SNRPF: variants seen among roughly 807,000 people sequenced by gnomAD.
SNRPF encodes small nuclear ribonucleoprotein polypeptide F.
SNRPF carries 1 observed loss-of-function variant against 13.4 expected under a neutral mutation model. The ratio of observed to expected loss-of-function variants is 0.07; its 90% confidence interval spans 0.03 to 0.35. The LOEUF (loss-of-function observed/expected upper bound fraction) is 0.35, where lower values mean the gene tolerates loss of function less well. SNRPF is among the 10% of genes least tolerant of loss of function. The probability of loss-of-function intolerance (pLI) is 0.99; values close to 1 mark genes in which losing one functional copy is unlikely to be tolerated. For synonymous variants in SNRPF, 27 were observed against 32.1 expected, an observed-to-expected ratio of 0.84 and a Z score of 0.54; for missense variants, 53 against 101.0, an observed-to-expected ratio of 0.52 and a Z score of 2.04.
At chr12:95,859,761 G>T (rs1314384625) in intron 1 of SNRPF, among the ~76,000 whole-genome samples, 1 of 152,212 alleles carries the variant, frequency 6.6e-6, no homozygotes, top group Non-Finnish European at 1.5e-5. Flanking sequence ...TTAAGAGATG[G>T]TATCGGAGGA....
chr12:95,861,787 G>T, intron 2 of SNRPF: 2 of 153,244 alleles, frequency 1.3e-5, no homozygotes, highest in South Asian at 2.0e-4. Flanking sequence ...TGTTTTGGTG[G>T]GTTTTTTTGT....
At chr12:95,859,717 G>A (rs999124281) in intron 1 of SNRPF, among the ~76,000 whole-genome samples, 16 of 152,174 alleles carry the variant, frequency 1.1e-4, no homozygotes, top group African/African-American at 3.9e-4. Flanking sequence ...TGGAGAAATT[G>A]ACAGAAAGGT....
chr12:95,861,494 G>C (rs1169407964), intron 2 of SNRPF: 1 of 364,334 alleles, frequency 2.7e-6, no homozygotes, highest in Admixed American at 4.9e-5. Flanking sequence ...TTCAGCTACA[G>C]ATTTTATTCC....
At position 95,865,263 on chromosome 12, in the gene SNRPF, A is replaced by G. The variant is rs367847491; in HGVS notation, c.130-61A>G. ...GTTAATGAGTTCTCTCACCAATATTAGCTGTATTGTAATATTTTCCTCCTG... is the reference window on the plus strand; with the variant it reads ...GTTAATGAGTTCTCTCACCAATATTGGCTGTATTGTAATATTTTCCTCCTG... On this transcript the variant is annotated intron_variant, in intron 2 of 3. Coordinates refer to ENST00000266735, the MANE Select transcript of SNRPF (RefSeq NM_003095.5). 11 of 789,218 alleles carry G rather than the reference A, an allele frequency of 1.4e-5. No individual in the cohort carries two copies. In the African/African-American group the frequency reaches 1.9e-4, roughly 13 times the overall value. The allele number at this position is 789,218 out of a possible 1,614,324, so 48.9% of individuals were successfully genotyped here.
At chr12:95,860,769 T>A (rs974578473) in intron 1 of SNRPF, among the ~76,000 whole-genome samples, 1 of 151,758 alleles carries the variant, frequency 6.6e-6, no homozygotes, top group African/African-American at 2.4e-5. Context: ...GGGCTGGTCT[T>A]GAACTCGTGA....
chr12:95,863,569 G>A (rs958089060), intron 2 of SNRPF, among the ~76,000 whole-genome samples: 2 of 152,186 alleles, frequency 1.3e-5, no homozygotes, highest in African/African-American at 4.8e-5. Flanking sequence ...TCCATTATGT[G>A]CCTGGCACTG....
At chr12:95,862,291 C>T (rs2079499815) in intron 2 of SNRPF, among the ~76,000 whole-genome samples, 1 of 152,180 alleles carries the variant, frequency 6.6e-6, no homozygotes, top group Admixed American at 6.5e-5. Flanking sequence ...TTGCTTCCCT[C>T]TTTGGACTGT....
intron 2 of SNRPF, among the ~76,000 whole-genome samples, chr12:95,863,756 G>T (rs2079507962): frequency 6.6e-6 from 1 of 152,206 alleles, no homozygotes; most frequent in Non-Finnish European, 1.5e-5. Flanking sequence ...AATTCTGGAA[G>T]ATACCAGAAT....
At position 95,863,427 on chromosome 12, in the gene SNRPF, GT is replaced by G. The variant is rs780818318; in HGVS notation, c.130-1893del. Among the ~76,000 whole-genome samples the G allele has an allele frequency of 5.9e-5, 9 of 152,312 alleles. No homozygotes were observed. The South Asian group carries it at 8.3e-4, about 14-fold the overall frequency. On this transcript the variant is annotated intron_variant, in intron 2 of 3. Coordinates refer to ENST00000266735, the MANE Select transcript of SNRPF (RefSeq NM_003095.5). ...ATAAAAGAATTACCACTTAATATTTGTTTTAGAATTAATATAGCTTGCTAGT... is the reference window on the plus strand; with the variant it reads ...ATAAAAGAATTACCACTTAATATTTGTTTAGAATTAATATAGCTTGCTAGT...
rs546024406 is a variant in SNRPF at position 95,865,135 on chromosome 12, T to C, written c.130-189T>C. The C allele has an allele frequency of 1.6e-5, 6 of 386,930 alleles. No homozygotes were observed. In the East Asian group the frequency reaches 2.3e-4, roughly 15 times the overall value. 24.0% of individuals were successfully genotyped at this position (386,930 alleles called of 1,614,324 possible). On this transcript the variant is annotated intron_variant, in intron 2 of 3. Coordinates refer to ENST00000266735, the MANE Select transcript of SNRPF (RefSeq NM_003095.5). Reference sequence around the variant, plus strand: ...AACAAGCTTTGAATATTAATTTCGTTGAAGGTTTATATGAAACCAAAAGTA... The same window carrying C: ...AACAAGCTTTGAATATTAATTTCGTCGAAGGTTTATATGAAACCAAAAGTA...
At chr12:95,860,716 CCTGA>C (rs764566791) in intron 1 of SNRPF, among the ~76,000 whole-genome samples, 2 of 152,034 alleles carry the variant, frequency 1.3e-5, no homozygotes, top group East Asian at 1.9e-4. Flanking sequence ...CACCACCACA[CCTGA>C]CTATTTTTGG....
chr12:95,860,921 GGTA>G (rs2079492920), intron 1 of SNRPF, among the ~76,000 whole-genome samples: 1 of 143,864 alleles, frequency 7.0e-6, no homozygotes, highest in African/African-American at 2.6e-5. Context: ...GAGTGATGTA[GGTA>G]GTCAGTGTAT....
chr12:95,862,439 C>T (rs1381023533), intron 2 of SNRPF, among the ~76,000 whole-genome samples: 2 of 152,108 alleles, frequency 1.3e-5, no homozygotes, highest in Non-Finnish European at 2.9e-5. Flanking sequence ...GGAGGCCAAG[C>T]GTGGTGGCTC....
At chr12:95,861,642 CT>C (rs1439414996) in intron 2 of SNRPF, 1 of 224,764 alleles carries the variant, frequency 4.4e-6, no homozygotes, top group African/African-American at 2.4e-5. Context: ...ATTATTGAGT[CT>C]TTTAATGAAT....
intron 2 of SNRPF, among the ~76,000 whole-genome samples, chr12:95,862,088 C>T (rs187299697): frequency 3.3e-5 from 5 of 152,140 alleles, no homozygotes; most frequent in South Asian, 2.1e-4. Context: ...TGAATTTGAC[C>T]GTGCATAATA....
At chr12:95,862,809 C>T (rs1337169300) in intron 2 of SNRPF, among the ~76,000 whole-genome samples, 1 of 152,126 alleles carries the variant, frequency 6.6e-6, no homozygotes, top group Admixed American at 6.6e-5. Flanking sequence ...ACATCCTCAC[C>T]AACACTTGTT....
chr12:95,861,827 A>G (rs1246316520), intron 2 of SNRPF: 1 of 153,018 alleles, frequency 6.5e-6, no homozygotes, highest in Non-Finnish European at 1.5e-5. Flanking sequence ...GTGGTAAAAT[A>G]TACATTACAA....
intron 3 of SNRPF, 151 bp from the exon 4 acceptor site, chr12:95,865,854 C>CAACAAA (rs2079518787): frequency 2.8e-6 from 1 of 355,822 alleles, no homozygotes; most frequent in Admixed American, 4.6e-5. Flanking sequence ...CTATGTGAAA[C>CAACAAA]TTTTTTTTAA....
rs373073396 is a variant in SNRPF at position 95,859,061 on chromosome 12, G to A, written c.-13G>A. On this transcript the variant is annotated 5_prime_UTR_variant, in exon 1 of 4. Transcript: ENST00000266735. ...CGGCAGAGAGTAGCCTGCAACATTC[G>A]GCCGTGGTTACGATGGTAAGGAGAA... The A allele has an allele frequency of 6.2e-7, 1 of 1,613,176 alleles. No homozygotes were observed. Among genetic ancestry groups the A allele is most frequent in the South Asian group, 1.1e-5 (1 of 90,712 alleles).
Sources: gnomAD v4.1 joint callset for allele counts (sites outside exome capture counted in the v4.1 genomes callset) on GRCh38, gnomAD v4.1.1 for gene constraint, MANE v1.5 for transcripts, NCBI Gene and HGNC (gene_info 2026-07-23, HGNC 2026-07-21) for gene names.